KHDRBS2: variants seen among roughly 807,000 people sequenced by gnomAD.
The protein encoded by KHDRBS2 is KH RNA binding domain containing, signal transduction associated 2.
KHDRBS2 carries 26 observed loss-of-function variants against 44.3 expected under a neutral mutation model. That is an observed-to-expected ratio of 0.59 (90% CI 0.43 to 0.81). KHDRBS2 has a LOEUF of 0.81. KHDRBS2 is among the 40% of genes least tolerant of loss of function. The pLI is 0.00. For synonymous variants in KHDRBS2, 194 were observed against 151.1 expected (o/e 1.28, Z -2.08); for missense variants, 476 against 433.1 (o/e 1.10, Z -0.88).
intron 2 of KHDRBS2, among the ~76,000 whole-genome samples, chr6:62,123,982 A>AT (rs563693711): frequency 1.4e-3 from 210 of 152,282 alleles, no homozygotes; most frequent in African/African-American, 4.6e-3. Context: ...TGATTCATTG[A>AT]TTTTTCCCCC....
intron 2 of KHDRBS2, among the ~76,000 whole-genome samples, chr6:62,171,670 C>A (rs1029281225): frequency 2.0e-5 from 3 of 151,644 alleles, no homozygotes; most frequent in African/African-American, 7.3e-5. Flanking sequence ...ATATTAAAGG[C>A]AGCTAGAGAA....
At chr6:61,585,888 T>G in the KHDRBS2 span, among the ~76,000 whole-genome samples, 1 of 152,140 alleles carries the variant, frequency 6.6e-6, no homozygotes, top group African/African-American at 2.4e-5. Flanking sequence ...TCAATTAGAC[T>G]GAACCCCAGA....
rs989513944 is a variant in KHDRBS2, at chr6:61,854,723, G to A, written c.810+39912C>T. Among the ~76,000 whole-genome samples the A allele has an allele frequency of 3.9e-5, 6 of 152,134 alleles. No homozygotes were observed. The East Asian group carries it at 1.2e-3, about 29-fold the overall frequency. Reference sequence around the variant, plus strand: ...TACAGAATAGATTGCTTTTGAAGATGAAACAGAATAAAGTGAGGTATGAGA... The same window carrying A: ...TACAGAATAGATTGCTTTTGAAGATAAAACAGAATAAAGTGAGGTATGAGA... On this transcript the variant is annotated intron_variant, in intron 6 of 8. Coordinates refer to ENST00000281156, the MANE Select transcript of KHDRBS2 (RefSeq NM_152688.4).
the KHDRBS2 span, among the ~76,000 whole-genome samples, chr6:61,636,066 T>C: frequency 6.6e-6 from 1 of 152,072 alleles, no homozygotes; most frequent in East Asian, 1.9e-4. Flanking sequence ...TATTCCACAA[T>C]ATTCCGTAGT....
intron 4 of KHDRBS2, among the ~76,000 whole-genome samples, chr6:61,934,588 T>G (rs1377625040): frequency 6.6e-6 from 1 of 152,202 alleles, no homozygotes; most frequent in Non-Finnish European, 1.5e-5. Context: ...AAACTTGTAT[T>G]TATTTAGTTT....
chr6:62,043,631 T>A (rs780016381), intron 3 of KHDRBS2, among the ~76,000 whole-genome samples: 1 of 152,054 alleles, frequency 6.6e-6, no homozygotes, highest in Non-Finnish European at 1.5e-5. Flanking sequence ...TTATTATATT[T>A]TACTTTGTTT....
intron 3 of KHDRBS2, among the ~76,000 whole-genome samples, chr6:62,046,076 A>G (rs1787625590): frequency 6.6e-6 from 1 of 151,848 alleles, no homozygotes; most frequent in Non-Finnish European, 1.5e-5. Flanking sequence ...AAGTGAAAAC[A>G]CTCAAATCAT....
intron 1 of KHDRBS2, among the ~76,000 whole-genome samples, chr6:62,217,942 A>T (rs987233673): frequency 5.3e-5 from 8 of 151,848 alleles, no homozygotes; most frequent in African/African-American, 1.9e-4. Flanking sequence ...AATACTTAAA[A>T]ATCTTATTAA....
rs966579632 is a variant in KHDRBS2, at chr6:62,217,167, C to T, written c.92-39855G>A. The stretch of plus-strand genomic sequence containing the variant: ...ATGCATGTGCTTAATGCAGAAGGAG[C>T]AATGTCTCTTCGCCGTTTTCAATAA... On this transcript the variant is annotated intron_variant, in intron 1 of 8. Coordinates refer to ENST00000281156, the MANE Select transcript of KHDRBS2 (RefSeq NM_152688.4). Among the ~76,000 whole-genome samples the T allele has an allele frequency of 5.3e-5, 8 of 151,546 alleles. 1 individual carries two copies. The highest frequency in any genetic ancestry group is 5.9e-5 in the Non-Finnish European group (4 of 67,774).
chr6:61,807,438 G>A (rs1582941220), intron 6 of KHDRBS2, among the ~76,000 whole-genome samples: 1 of 152,054 alleles, frequency 6.6e-6, no homozygotes, highest in Middle Eastern at 3.2e-3. Context: ...CATTAATGGT[G>A]GACTGGATAA....
At chr6:62,243,648 C>T (rs1835064518) in intron 1 of KHDRBS2, among the ~76,000 whole-genome samples, 1 of 150,802 alleles carries the variant, frequency 6.6e-6, no homozygotes, top group South Asian at 2.1e-4. Context: ...AGGTAAATAA[C>T]CGCTAGAAAA....
chr6:61,898,030 A>G (rs896019157), intron 5 of KHDRBS2, among the ~76,000 whole-genome samples: 22 of 152,114 alleles, frequency 1.4e-4, no homozygotes, highest in African/African-American at 4.3e-4. Context: ...GGTATACATT[A>G]TTATTGGAAA....
chr6:62,021,939 T>C (rs377366512), intron 3 of KHDRBS2, among the ~76,000 whole-genome samples: 66 of 129,730 alleles, frequency 5.1e-4, no homozygotes, highest in African/African-American at 1.7e-3. Flanking sequence ...TATATATATA[T>C]ACACACTATA....
At chr6:62,272,525 C>G (rs748817522) in intron 1 of KHDRBS2, among the ~76,000 whole-genome samples, 19 of 152,164 alleles carry the variant, frequency 1.2e-4, no homozygotes, top group Non-Finnish European at 2.2e-4. Flanking sequence ...AGCATGCCCA[C>G]TGAGGCATTC....
rs1766204741 is a variant in KHDRBS2 at position 61,680,685 on chromosome 6, A to G, written c.*278T>C. On this transcript the variant is annotated 3_prime_UTR_variant, in exon 9 of 9. Transcript: ENST00000281156. ...GAAAAAAAAAAGATTACACACAACA[A>G]TGAAAAACAACCAAGAGAATATCAT... 2 of 260,550 alleles carry G rather than the reference A, an allele frequency of 7.7e-6. No individual in the cohort carries two copies. Among genetic ancestry groups the G allele is most frequent in the Non-Finnish European group, 1.4e-5 (2 of 138,354 alleles). The allele number at this position is 260,550 out of a possible 1,614,324, so 16.1% of individuals were successfully genotyped here.
intron 6 of KHDRBS2, among the ~76,000 whole-genome samples, chr6:61,734,831 A>G (rs1303292018): frequency 6.6e-6 from 1 of 152,172 alleles, no homozygotes; most frequent in Non-Finnish European, 1.5e-5. Flanking sequence ...TCTAAGATTC[A>G]AAGACATCAG....
At chr6:61,933,973 TA>T (rs1810559904) in intron 4 of KHDRBS2, among the ~76,000 whole-genome samples, 1 of 152,170 alleles carries the variant, frequency 6.6e-6, no homozygotes, top group Non-Finnish European at 1.5e-5. Context: ...CTTTCTTTCA[TA>T]ATTTTTTGAT....
the KHDRBS2 span, among the ~76,000 whole-genome samples, chr6:61,548,979 A>T: frequency 6.6e-6 from 1 of 151,864 alleles, no homozygotes; most frequent in South Asian, 2.1e-4. Context: ...ATGGGGTCTT[A>T]AAAAAAAGTC....
At chr6:62,194,471 C>CTTTCTTTTTTTTTTTT (rs1825240014) in intron 1 of KHDRBS2, among the ~76,000 whole-genome samples, 1 of 87,378 alleles carries the variant, frequency 1.1e-5, no homozygotes, top group African/African-American at 5.4e-5. Context: ...CTTTTCTTTT[C>CTTTCTTTTTTTTTTTT]TTTTCTTCCT....
Sources: gnomAD v4.1 joint callset for allele counts (sites outside exome capture counted in the v4.1 genomes callset) on GRCh38, gnomAD v4.1.1 for gene constraint, MANE v1.5 for transcripts, NCBI Gene and HGNC (gene_info 2026-07-23, HGNC 2026-07-21) for gene names.